MAX: variants seen among roughly 807,000 people sequenced by gnomAD.
MAX encodes MYC associated transcriptional regulator X, also known as protein max.
In MAX, 3 loss-of-function variants were observed where a neutral mutation model predicts 22.3. The ratio of observed to expected loss-of-function variants is 0.13; its 90% confidence interval spans 0.06 to 0.35. The LOEUF (loss-of-function observed/expected upper bound fraction) is 0.35. MAX is among the 10% of genes least tolerant of loss of function. The pLI, the probability that MAX is intolerant of heterozygous loss-of-function variation, is 1.00. For missense variants in MAX, 119 were observed against 209.4 expected (o/e 0.57, Z 2.66); for synonymous variants, 72 against 77.7 (o/e 0.93, Z 0.39).
chr14:65,078,854 T>G lies in MAX; in HGVS notation c.172-818A>C, dbSNP rs1454994679. 6.6e-6 allele frequency among the ~76,000 whole-genome samples: 1 copy of G among 152,196 alleles called. No homozygotes were observed. The highest frequency in any genetic ancestry group is 1.5e-5 in the Non-Finnish European group (1 of 68,040). On this transcript the variant is annotated intron_variant, in intron 3 of 4. Coordinates refer to ENST00000358664, the MANE Select transcript of MAX (RefSeq NM_002382.5). This position sits in a 1 kb window ranked among gnomAD's most constrained non-coding sequence, Gnocchi z 6.4. ...AAGGCCTTCTTTGTGACATACAAGG[T>G]GCCAAGTGCTTTACAGAGCTTAACT... is the stretch of plus-strand genomic sequence containing the variant.
Position 65,084,868 on chromosome 14 carries a change from T to A in MAX, c.172-6832A>T, listed in dbSNP as rs1183011220. On this transcript the variant is annotated intron_variant, in intron 3 of 4. Coordinates refer to ENST00000358664, the MANE Select transcript of MAX (RefSeq NM_002382.5). This position sits in a 1 kb window ranked among gnomAD's most constrained non-coding sequence, Gnocchi z 4.3. ...TTGCTTGTTAGACTCCATCAATAAA[T>A]CCATGGATTGAACAATAGCAGCTTT... is the stretch of plus-strand genomic sequence containing the variant. Among the ~76,000 whole-genome samples the A allele has an allele frequency of 6.6e-6, 1 of 152,174 alleles. No individual in the cohort carries two copies. Among genetic ancestry groups the A allele is most frequent in the Non-Finnish European group, 1.5e-5 (1 of 68,030 alleles).
In MAX at chr14:65,047,727, A is replaced by G. The variant is rs1314051451; in HGVS notation, c.172-41443T>C. Among the ~76,000 whole-genome samples the G allele has an allele frequency of 1.3e-5, 2 of 152,202 alleles. No individual in the cohort carries two copies. The highest frequency in any genetic ancestry group is 2.9e-5 in the Non-Finnish European group (2 of 68,032). On this transcript the variant is annotated intron_variant, in intron 3 of 3. Transcript: ENST00000341653. This position sits in a 1 kb window ranked among gnomAD's most constrained non-coding sequence, Gnocchi z 5.2. ...GAAGTGGAGTTTCAATAGCAGCCTA[A>G]GTGCCTATCAAAAGGTTAAGGGTTA...
intron 3 of MAX, among the ~76,000 whole-genome samples, chr14:65,041,798 G>A (rs1196231381): frequency 6.6e-6 from 1 of 152,122 alleles, no homozygotes; most frequent in Non-Finnish European, 1.5e-5. Flanking sequence ...TTTGTATGCT[G>A]AACTTAAGAG....
chr14:65,052,127 A>G (rs1353493574), intron 3 of MAX, among the ~76,000 whole-genome samples: 1 of 152,162 alleles, frequency 6.6e-6, no homozygotes, highest in Non-Finnish European at 1.5e-5. Flanking sequence ...ACATATATAT[A>G]AGATTTTTAG....
intron 3 of MAX, among the ~76,000 whole-genome samples, chr14:65,037,776 ATTTAT>A (rs2062245653): frequency 4.2e-5 from 6 of 142,968 alleles, no homozygotes; most frequent in Non-Finnish European, 9.1e-5. Context: ...TTATTTATTT[ATTTAT>A]TTATTTATTT....
chr14:65,102,397 G>A lies in MAX; in HGVS notation c.-58C>T, dbSNP rs1436856266. 7 of 1,593,490 alleles carry A rather than the reference G, an allele frequency of 4.4e-6. No homozygotes were observed. Among genetic ancestry groups the A allele is most frequent in the East Asian group, 2.3e-5 (1 of 43,362 alleles). ...GCGGCGGGGAGGGGAAGGGGTGAAGGGGAGGGGGAAGTCACCGACAACAAC... is the reference window on the plus strand; with the variant it reads ...GCGGCGGGGAGGGGAAGGGGTGAAGAGGAGGGGGAAGTCACCGACAACAAC... On this transcript the variant is annotated 5_prime_UTR_variant, in exon 1 of 5. Transcript: ENST00000358664.
intron 3 of MAX, chr14:65,022,117 T>C: frequency 2.2e-6 from 1 of 455,074 alleles, no homozygotes; most frequent in South Asian, 1.5e-5. Flanking sequence ...ATATTCTACC[T>C]AGGGAAGGAG....
chr14:65,015,349 C>G (rs941078781), intron 3 of MAX, among the ~76,000 whole-genome samples: 3 of 151,636 alleles, frequency 2.0e-5, no homozygotes, highest in Non-Finnish European at 2.9e-5. Context: ...ATGATCCACC[C>G]ACCTTGGCCT....
downstream of MAX, chr14:65,006,156 C>CTTTTTTTTTTTTTT: frequency 1.3e-6 from 2 of 1,500,752 alleles, no homozygotes; most frequent in Non-Finnish European, 1.8e-6. Flanking sequence ...ACCTTTGTGT[C>CTTTTTTTTTTTTTT]TTTTTTTTTT....
chr14:65,069,304 T>G lies in MAX; in HGVS notation c.171+24404A>C, dbSNP rs536942948. Among the ~76,000 whole-genome samples, 32 of 152,126 alleles carry G rather than the reference T, an allele frequency of 2.1e-4. No homozygotes were observed. Among genetic ancestry groups the G allele is most frequent in the African/African-American group, 7.2e-4 (30 of 41,490 alleles). On this transcript the variant is annotated intron_variant, in intron 3 of 3. Coordinates refer to the MAX transcript ENST00000341653. This position sits in a 1 kb window ranked among gnomAD's most constrained non-coding sequence, Gnocchi z 4.6. Reference sequence around the variant, plus strand: ...TGGGGAGCCCAAGGCTGGGCTCTTGTGGGCAGGACAGAAGGAGAGCCCATC... The same window carrying G: ...TGGGGAGCCCAAGGCTGGGCTCTTGGGGGCAGGACAGAAGGAGAGCCCATC...
chr14:65,093,268 C>T lies in MAX; in HGVS notation c.171+440G>A, dbSNP rs1243408909. 6.6e-6 allele frequency among the ~76,000 whole-genome samples: 1 copy of T among 151,696 alleles called. No homozygotes were observed. The highest frequency in any genetic ancestry group is 2.4e-5 in the African/African-American group (1 of 41,124). On this transcript the variant is annotated intron_variant, in intron 3 of 4. Coordinates refer to ENST00000358664, the MANE Select transcript of MAX (RefSeq NM_002382.5). The surrounding 1 kb of genome is among the most constrained non-coding windows in gnomAD (Gnocchi z 4.4). ...TCAATGGTGCCCAGGTTGTTTTTCA[C>T]ATACATTACACACATTTCTGCAAGT...
chr14:65,073,737 T>C (rs2063011919), downstream of MAX, among the ~76,000 whole-genome samples: 1 of 152,230 alleles, frequency 6.6e-6, no homozygotes, highest in Non-Finnish European at 1.5e-5. Context: ...GGCTGTGACT[T>C]TGACTTGGCC....
Position 65,093,856 on chromosome 14 carries a change from C to T in MAX, c.64-41G>A. ...AAAGAACACATTAGGAATGTCACTCCTTTTGCTTGGTACAAGGTGGGTGGG... is the reference window on the plus strand; with the variant it reads ...AAAGAACACATTAGGAATGTCACTCTTTTTGCTTGGTACAAGGTGGGTGGG... On this transcript the variant is annotated intron_variant, in intron 2 of 4. Coordinates refer to ENST00000358664, the MANE Select transcript of MAX (RefSeq NM_002382.5). The surrounding 1 kb of genome is among the most constrained non-coding windows in gnomAD (Gnocchi z 4.4). The T allele has an allele frequency of 1.7e-6, 2 of 1,173,020 alleles. No homozygotes were observed. Among genetic ancestry groups the T allele is most frequent in the Non-Finnish European group, 2.6e-6 (2 of 777,098 alleles). The allele number at this position is 1,173,020 out of a possible 1,614,324, so 72.7% of individuals were successfully genotyped here.
intron 2 of MAX, chr14:65,094,183 C>CAGTG (rs1177814603): frequency 9.3e-6 from 3 of 323,488 alleles, no homozygotes; most frequent in African/African-American, 6.4e-5. Flanking sequence ...AGAGAAAGCT[C>CAGTG]CAGTGGCCCC....
At chr14:65,043,202 G>A (rs2062389965) in intron 3 of MAX, among the ~76,000 whole-genome samples, 1 of 152,192 alleles carries the variant, frequency 6.6e-6, no homozygotes, top group South Asian at 2.1e-4. Flanking sequence ...TGTCATATCT[G>A]CTCAGCCAGT....
rs1249905267 is a variant in MAX, at chr14:65,054,576, T to G, written c.171+39132A>C. ...GCTCAGAGCTGCCTGTCCTTACAGG[T>G]CGCGTGATTTCTACCACACCTGCTA... On this transcript the variant is annotated intron_variant, in intron 3 of 3. Coordinates refer to the MAX transcript ENST00000341653. The surrounding 1 kb of genome is among the most constrained non-coding windows in gnomAD (Gnocchi z 4.4). 36 of 1,612,122 alleles carry G rather than the reference T, an allele frequency of 2.2e-5. No homozygotes were observed. The highest frequency in any genetic ancestry group is 2.9e-5 in the Non-Finnish European group (34 of 1,179,304).
Position 65,078,188 on chromosome 14 carries a change from T to A in MAX, c.172-152A>T. The A allele has an allele frequency of 1.4e-6, 1 of 723,686 alleles. No homozygotes were observed. The highest frequency in any genetic ancestry group is 2.3e-6 in the Non-Finnish European group (1 of 440,490). 44.8% of individuals were successfully genotyped at this position (723,686 alleles called of 1,614,324 possible). A position where few individuals can be genotyped will look rare whatever the true frequency, so the allele number is the denominator to read the frequency against. On this transcript the variant is annotated intron_variant, in intron 3 of 4. Transcript: ENST00000358664. The surrounding 1 kb of genome is among the most constrained non-coding windows in gnomAD (Gnocchi z 6.4). ...AAATACAATAATGGCTACTGTAGGC[T>A]TTATTTATTTATTTATTTTTTTATT...
intron 3 of MAX, among the ~76,000 whole-genome samples, chr14:65,013,250 T>G (rs2061711900): frequency 6.6e-6 from 1 of 152,102 alleles, no homozygotes; most frequent in Non-Finnish European, 1.5e-5. Context: ...GGAGACCCTG[T>G]GCCCTTAACT....
chr14:65,102,048 A>G (rs2063860550), intron 1 of MAX, among the ~76,000 whole-genome samples: 1 of 152,166 alleles, frequency 6.6e-6, no homozygotes, highest in East Asian at 1.9e-4. Flanking sequence ...GGGAGGCCGC[A>G]GCACCCTCCC....
Sources: gnomAD v4.1 joint callset for allele counts (sites outside exome capture counted in the v4.1 genomes callset) on GRCh38, gnomAD v4.1.1 for gene constraint, Gnocchi (gnomAD v3.1) non-coding constraint, MANE v1.5 for transcripts, NCBI Gene and HGNC (gene_info 2026-07-23, HGNC 2026-07-21) for gene names.